The following MICU1 variants were observed in gnomAD, a reference collection of about 807,000 sequenced individuals.
MICU1 encodes calcium uptake protein 1, mitochondrial.
A neutral mutation model predicts 56.8 loss-of-function variants in MICU1; 45 were observed. That is an observed-to-expected ratio of 0.79 (90% CI 0.62 to 1.02). The LOEUF is 1.02. Ranked by LOEUF, MICU1 falls within the 50% of genes least tolerant of loss-of-function variation. The pLI is 0.00. For synonymous variants in MICU1, 186 were observed against 195.1 expected, an observed-to-expected ratio of 0.95 and a Z score of 0.39; for missense variants, 504 against 587.1, an observed-to-expected ratio of 0.86 and a Z score of 1.46.
intron 8 of MICU1, among the ~76,000 whole-genome samples, chr10:72,446,621 G>A (rs184273687): frequency 6.6e-6 from 1 of 152,230 alleles, no homozygotes; most frequent in Non-Finnish European, 1.5e-5. Context: ...GAACCACCAG[G>A]CCCAGCCCTA....
At chr10:72,468,891 A>C (rs1314190541) in intron 8 of MICU1, among the ~76,000 whole-genome samples, 1 of 152,210 alleles carries the variant, frequency 6.6e-6, no homozygotes, top group Non-Finnish European at 1.5e-5. Flanking sequence ...GTCCCAAATA[A>C]ATCAGGTACA....
intron 8 of MICU1, among the ~76,000 whole-genome samples, chr10:72,458,147 C>CA (rs1005532417): frequency 1.4e-5 from 2 of 139,906 alleles, no homozygotes; most frequent in African/African-American, 2.7e-5. Flanking sequence ...GCCTGGGCAA[C>CA]AAGAGTAAAA....
intron 8 of MICU1, among the ~76,000 whole-genome samples, chr10:72,443,054 G>C (rs1222471521): frequency 6.6e-6 from 1 of 152,294 alleles, no homozygotes; most frequent in South Asian, 2.1e-4. Context: ...ACAGTGCCTG[G>C]TCTGTCCTTT....
intron 1 of MICU1, chr10:72,583,080 T>C (rs1334592514): frequency 6.7e-6 from 1 of 150,242 alleles, no homozygotes; most frequent in Non-Finnish European, 1.5e-5. Context: ...AGCGAGACCC[T>C]GCCTGTTAAC....
chr10:72,578,323 T>C (rs776122197), intron 1 of MICU1, among the ~76,000 whole-genome samples: 1 of 152,050 alleles, frequency 6.6e-6, no homozygotes, highest in Non-Finnish European at 1.5e-5. Flanking sequence ...AGTGGCATGA[T>C]CTTGGCTCAC....
chr10:72,526,614 T>G (rs1461981583), intron 5 of MICU1, among the ~76,000 whole-genome samples: 1 of 152,162 alleles, frequency 6.6e-6, no homozygotes, highest in Non-Finnish European at 1.5e-5. Context: ...AATTACATCC[T>G]AAATTTTGCT....
At chr10:72,588,965 C>G (rs1841145178) in intron 1 of MICU1, among the ~76,000 whole-genome samples, 1 of 152,142 alleles carries the variant, frequency 6.6e-6, no homozygotes, top group Non-Finnish European at 1.5e-5. Flanking sequence ...AAATCAATAG[C>G]CTTCATGTAT....
At chr10:72,583,429 T>C (rs1292247738) in intron 1 of MICU1, among the ~76,000 whole-genome samples, 1 of 151,692 alleles carries the variant, frequency 6.6e-6, no homozygotes, top group Non-Finnish European at 1.5e-5. Flanking sequence ...TACAGCTGTG[T>C]ACCACCACAC....
Position 72,421,645 on chromosome 10 carries a change from T to C in MICU1, c.1071+1589A>G, listed in dbSNP as rs549747147. Reference sequence around the variant, plus strand: ...TACCAGAGAGCAGTGTTGCTAGTGTTCCACAAATCCATGTTCTCCAACCTC... The same window carrying C: ...TACCAGAGAGCAGTGTTGCTAGTGTCCCACAAATCCATGTTCTCCAACCTC... On this transcript the variant is annotated intron_variant, in intron 9 of 11. Coordinates refer to ENST00000361114, the MANE Select transcript of MICU1 (RefSeq NM_001195518.2). 2.0e-5 allele frequency among the ~76,000 whole-genome samples: 3 copies of C among 152,302 alleles called. No individual in the cohort carries two copies. In the South Asian group the frequency reaches 6.2e-4, roughly 32 times the overall value.
intron 1 of MICU1, among the ~76,000 whole-genome samples, chr10:72,602,344 G>A (rs1249720756): frequency 6.6e-6 from 1 of 151,682 alleles, no homozygotes; most frequent in East Asian, 2.0e-4. Context: ...CCAGCTACTC[G>A]GGAGGCTGAG....
chr10:72,494,432 G>A (rs1374587657), intron 6 of MICU1, among the ~76,000 whole-genome samples: 1 of 149,402 alleles, frequency 6.7e-6, no homozygotes, highest in Non-Finnish European at 1.5e-5. Context: ...GAAATGTAAT[G>A]TATATTCTCC....
At chr10:72,540,311 T>C (rs1456837022) in intron 4 of MICU1, among the ~76,000 whole-genome samples, 1 of 149,474 alleles carries the variant, frequency 6.7e-6, no homozygotes, top group African/African-American at 2.5e-5. Flanking sequence ...AATAACTTAC[T>C]GCAAATATGC....
chr10:72,463,253 C>T (rs556784441), intron 8 of MICU1, among the ~76,000 whole-genome samples: 65 of 152,066 alleles, frequency 4.3e-4, no homozygotes, highest in Middle Eastern at 3.4e-3. Context: ...AGTAGAGACG[C>T]GGTTTCTCCA....
intron 10 of MICU1, among the ~76,000 whole-genome samples, chr10:72,402,897 T>G (rs756502889): frequency 5.9e-5 from 9 of 151,918 alleles, no homozygotes; most frequent in Non-Finnish European, 1.3e-4. Context: ...TAAAAAAAAT[T>G]TGCCAGGCGT....
chr10:72,441,913 C>T (rs2105082), intron 8 of MICU1, among the ~76,000 whole-genome samples: 80,697 of 151,876 alleles, frequency 0.53, 23,190 homozygotes, highest in Non-Finnish European at 0.67. Context: ...CCACCACACC[C>T]GGTCTCAAGT....
chr10:72,482,411 A>T (rs1247355475), intron 6 of MICU1, among the ~76,000 whole-genome samples: 1 of 152,212 alleles, frequency 6.6e-6, no homozygotes, highest in Admixed American at 6.5e-5. Context: ...TAAATGAGGT[A>T]ATTGATATGC....
intron 11 of MICU1, among the ~76,000 whole-genome samples, chr10:72,370,230 G>A (rs982844321): frequency 1.3e-5 from 2 of 152,090 alleles, no homozygotes; most frequent in African/African-American, 4.8e-5. Context: ...AGTAACCACT[G>A]TAATAGCAGA....
At chr10:72,572,281 A>G (rs1055970647) in intron 1 of MICU1, among the ~76,000 whole-genome samples, 4 of 152,226 alleles carry the variant, frequency 2.6e-5, no homozygotes, top group Non-Finnish European at 4.4e-5. Flanking sequence ...AAGATCATAT[A>G]AAGTATTCAA....
At chr10:72,560,954 T>C (rs1437405040) in intron 3 of MICU1, among the ~76,000 whole-genome samples, 1 of 152,138 alleles carries the variant, frequency 6.6e-6, no homozygotes, top group East Asian at 1.9e-4. Flanking sequence ...TTAACATGTC[T>C]ATATAGATTA....
Sources: gnomAD v4.1 joint callset for allele counts (sites outside exome capture counted in the v4.1 genomes callset) on GRCh38, gnomAD v4.1.1 for gene constraint, MANE v1.5 for transcripts, NCBI Gene and HGNC (gene_info 2026-07-23, HGNC 2026-07-21) for gene names.